RUNX2: variants seen among roughly 807,000 people sequenced by gnomAD.
RUNX2 encodes runt-related transcription factor 2.
In RUNX2, 10 loss-of-function variants were observed where a neutral mutation model predicts 51.7. That is an observed-to-expected ratio of 0.19 (90% CI 0.12 to 0.33). RUNX2 has a LOEUF of 0.33. Ranked by LOEUF, RUNX2 falls within the 10% of genes least tolerant of loss-of-function variation. The pLI is 1.00. For missense variants in RUNX2, 562 were observed against 691.3 expected, an observed-to-expected ratio of 0.81 and a Z score of 2.10; for synonymous variants, 276 against 273.6, an observed-to-expected ratio of 1.01 and a Z score of -0.09.
intron 6 of RUNX2, among the ~76,000 whole-genome samples, chr6:45,498,961 G>A (rs1271659409): frequency 6.6e-6 from 1 of 152,196 alleles, no homozygotes; most frequent in Non-Finnish European, 1.5e-5. Flanking sequence ...CTGGGGTGAT[G>A]TTGGCTGTGA....
At chr6:45,488,612 A>T (rs567063370) in intron 5 of RUNX2, among the ~76,000 whole-genome samples, 1 of 152,182 alleles carries the variant, frequency 6.6e-6, no homozygotes. Context: ...AGGTCCCACT[A>T]TCAGAAATTC....
At chr6:45,364,904 A>G (rs1286302920) in intron 2 of RUNX2, among the ~76,000 whole-genome samples, 1 of 152,202 alleles carries the variant, frequency 6.6e-6, no homozygotes, top group African/African-American at 2.4e-5. Flanking sequence ...AGAAATAAAC[A>G]ATACATAACA....
rs1798829917 is a variant in RUNX2 at position 45,441,115 on chromosome 6, C to T, written c.685+3064C>T. Among the ~76,000 whole-genome samples, 3 of 152,088 alleles carry T rather than the reference C, an allele frequency of 2.0e-5. No homozygotes were observed. In the South Asian group the frequency reaches 6.2e-4, roughly 31 times the overall value. ...ATATGCAATTGTTTAGCCTCCTCTCCCCCAAATTATAATTCCTTAATTAGT... is the reference window on the plus strand; with the variant it reads ...ATATGCAATTGTTTAGCCTCCTCTCTCCCAAATTATAATTCCTTAATTAGT... On this transcript the variant is annotated intron_variant, in intron 5 of 8. Transcript: ENST00000647337.
intron 2 of RUNX2, among the ~76,000 whole-genome samples, chr6:45,381,733 G>A (rs1481242822): frequency 6.6e-6 from 1 of 152,126 alleles, no homozygotes; most frequent in Non-Finnish European, 1.5e-5. Context: ...CCTGCCTGAT[G>A]TTACACATTT....
chr6:45,355,827 G>A (rs908197945), intron 2 of RUNX2, among the ~76,000 whole-genome samples: 4 of 152,122 alleles, frequency 2.6e-5, no homozygotes, highest in Admixed American at 1.3e-4. Flanking sequence ...TGTTTGGAAA[G>A]TAATTCCAAC....
chr6:45,448,381 G>A lies in RUNX2; in HGVS notation c.685+10330G>A, dbSNP rs143389690. On this transcript the variant is annotated intron_variant, in intron 5 of 8. Coordinates refer to ENST00000647337, the MANE Select transcript of RUNX2 (RefSeq NM_001024630.4). The stretch of plus-strand genomic sequence containing the variant: ...CCACACGTTTCTGTCATTTTGGTGA[G>A]AGTACAGGACTCAGAACCACAAGAG... Among the ~76,000 whole-genome samples, 17 of 152,296 alleles carry A rather than the reference G, an allele frequency of 1.1e-4. 1 individual carries two copies. In the East Asian group the frequency reaches 3.3e-3, roughly 29 times the overall value.
At chr6:45,501,690 T>C (rs538610635) in intron 6 of RUNX2, among the ~76,000 whole-genome samples, 4 of 152,334 alleles carry the variant, frequency 2.6e-5, no homozygotes, top group Admixed American at 1.3e-4. Flanking sequence ...AGATATGCAA[T>C]AGACAGATGA....
At chr6:45,446,983 T>C (rs1014999919) in intron 5 of RUNX2, among the ~76,000 whole-genome samples, 1 of 152,218 alleles carries the variant, frequency 6.6e-6, no homozygotes, top group African/African-American at 2.4e-5. Flanking sequence ...TGCACACTGG[T>C]GGTGAAAATC....
chr6:45,349,915 C>T (rs893523705), intron 2 of RUNX2, among the ~76,000 whole-genome samples: 5 of 152,020 alleles, frequency 3.3e-5, no homozygotes, highest in Non-Finnish European at 5.9e-5. Flanking sequence ...TTCAGAAAAG[C>T]TAATTTCAAG....
intron 5 of RUNX2, among the ~76,000 whole-genome samples, chr6:45,450,215 T>C (rs1190907890): frequency 2.6e-5 from 4 of 152,220 alleles, no homozygotes; most frequent in Admixed American, 6.5e-5. Flanking sequence ...GCCTCTGTGA[T>C]GTGAAGGGCC....
At chr6:45,527,589 T>C (rs1282401565) in intron 7 of RUNX2, among the ~76,000 whole-genome samples, 2 of 152,222 alleles carry the variant, frequency 1.3e-5, no homozygotes, top group Non-Finnish European at 2.9e-5. Flanking sequence ...ATTGCATCTT[T>C]TACAAGTTTA....
chr6:45,486,736 TAC>T (rs1338206640), intron 5 of RUNX2, among the ~76,000 whole-genome samples: 1 of 152,182 alleles, frequency 6.6e-6, no homozygotes, highest in Non-Finnish European at 1.5e-5. Flanking sequence ...GTGGATATAA[TAC>T]AGAGAATGTA....
intron 5 of RUNX2, among the ~76,000 whole-genome samples, chr6:45,446,307 T>G (rs1404094271): frequency 6.6e-6 from 1 of 152,192 alleles, no homozygotes; most frequent in African/African-American, 2.4e-5. Flanking sequence ...AGTTGATATA[T>G]TTACTTCTAA....
chr6:45,472,927 G>C (rs1304669897), intron 5 of RUNX2, among the ~76,000 whole-genome samples: 1 of 152,168 alleles, frequency 6.6e-6, no homozygotes, highest in Middle Eastern at 3.2e-3. Context: ...TCATTTTCAA[G>C]CTCAATAATC....
chr6:45,462,190 G>T (rs1799496793), intron 5 of RUNX2, among the ~76,000 whole-genome samples: 1 of 152,186 alleles, frequency 6.6e-6, no homozygotes, highest in Non-Finnish European at 1.5e-5. Flanking sequence ...AATCAATGAG[G>T]TGCACTGCAG....
intron 2 of RUNX2, among the ~76,000 whole-genome samples, chr6:45,413,848 G>GT (rs776964527): frequency 6.6e-6 from 1 of 152,136 alleles, no homozygotes; most frequent in Non-Finnish European, 1.5e-5. Context: ...AAATCACTCG[G>GT]TAAGTTCTCA....
chr6:45,476,067 T>C (rs1207868931), intron 5 of RUNX2, among the ~76,000 whole-genome samples: 1 of 152,232 alleles, frequency 6.6e-6, no homozygotes, highest in Non-Finnish European at 1.5e-5. Context: ...AGTTTGCAGC[T>C]CTATAAATGA....
chr6:45,478,910 G>T, intron 5 of RUNX2, among the ~76,000 whole-genome samples: 1 of 151,500 alleles, frequency 6.6e-6, no homozygotes, highest in East Asian at 1.9e-4. Flanking sequence ...TTTATTTTAA[G>T]ATGGAGTCTC....
chr6:45,537,164 ACACCAG>A (rs1802064025), intron 7 of RUNX2, among the ~76,000 whole-genome samples: 1 of 152,204 alleles, frequency 6.6e-6, no homozygotes, highest in East Asian at 1.9e-4. Flanking sequence ...ATCATTCAGA[ACACCAG>A]TGGTAAAGAC....
Sources: allele counts gnomAD v4.1 joint callset (sites outside exome capture counted in the v4.1 genomes callset), GRCh38; gene constraint gnomAD v4.1.1; transcripts MANE v1.5; gene names NCBI Gene and HGNC (gene_info 2026-07-23, HGNC 2026-07-21).